Variants in PLSCR2 observed in about 807,000 individuals in gnomAD.
PLSCR2 encodes the protein PL scramblase 2.
Under a neutral mutation model 25.3 loss-of-function variants are expected in PLSCR2, and 18 were observed. That is an observed-to-expected ratio of 0.71 (90% CI 0.49 to 1.06). The LOEUF is 1.06. Among genes scored for constraint, PLSCR2 ranks in the 50% least tolerant of loss-of-function variants. PLSCR2 has a pLI of 0.00. For synonymous variants in PLSCR2, 88 were observed against 87.3 expected, an observed-to-expected ratio of 1.01 and a Z score of -0.04; for missense variants, 243 against 269.5, an observed-to-expected ratio of 0.90 and a Z score of 0.69.
At chr3:146,430,862 C>G (rs1163384164), downstream of PLSCR2, among the ~76,000 whole-genome samples, 1 of 151,822 alleles carries the variant, frequency 6.6e-6, no homozygotes, top group Non-Finnish European at 1.5e-5. Context: ...TCCATGTGCC[C>G]AGAAATTCCT....
At chr3:146,455,519 T>C in intron 3 of PLSCR2, 60 bp from the exon 4 acceptor site, 2 of 974,870 alleles carry the variant, frequency 2.1e-6, no homozygotes, top group Admixed American at 3.7e-5. Flanking sequence ...TATCTTAAGA[T>C]ATTATATCTA....
intron 2 of PLSCR2, among the ~76,000 whole-genome samples, chr3:146,425,107 G>A (rs1378744670): frequency 6.6e-6 from 1 of 152,026 alleles, no homozygotes; most frequent in Non-Finnish European, 1.5e-5. Context: ...TACAGCCATA[G>A]TGCCTGATAA....
intron 1 of PLSCR2, among the ~76,000 whole-genome samples, chr3:146,473,967 T>C (rs548587614): frequency 5.3e-5 from 8 of 152,304 alleles, no homozygotes; most frequent in African/African-American, 1.9e-4. Flanking sequence ...AGAACAAATA[T>C]TGGTTAATTG....
intron 5 of PLSCR2, among the ~76,000 whole-genome samples, chr3:146,451,229 C>T (rs1303032550): frequency 2.7e-5 from 4 of 149,584 alleles, no homozygotes; most frequent in Admixed American, 2.1e-4. Flanking sequence ...ATTCTCTTGC[C>T]TTAGCTTCCC....
intron 2 of PLSCR2, among the ~76,000 whole-genome samples, chr3:146,422,324 G>A (rs1233632429): frequency 2.0e-5 from 3 of 151,920 alleles, no homozygotes; most frequent in African/African-American, 2.4e-5. Flanking sequence ...GCCCATGAAC[G>A]TAGCTGATCC....
intron 3 of PLSCR2, among the ~76,000 whole-genome samples, chr3:146,392,032 T>C (rs564924571): frequency 9.2e-5 from 14 of 152,314 alleles, no homozygotes; most frequent in African/African-American, 3.1e-4. Flanking sequence ...AGTATTTGTG[T>C]CATTAAAGGT....
chr3:146,448,652 T>G (rs1391086662), intron 6 of PLSCR2, among the ~76,000 whole-genome samples: 2 of 152,168 alleles, frequency 1.3e-5, no homozygotes, highest in Non-Finnish European at 2.9e-5. Context: ...AGCTTCTTGT[T>G]TAGTTGAAGT....
intron 4 of PLSCR2, among the ~76,000 whole-genome samples, chr3:146,454,385 AATAT>A (rs2041078595): frequency 1.3e-5 from 2 of 152,168 alleles, no homozygotes; most frequent in Admixed American, 1.3e-4. Flanking sequence ...TATTCTTACA[AATAT>A]ATAATTATAC....
At chr3:146,407,399 AC>A (rs1441328699) in intron 2 of PLSCR2, among the ~76,000 whole-genome samples, 1 of 152,160 alleles carries the variant, frequency 6.6e-6, no homozygotes, top group Non-Finnish European at 1.5e-5. Flanking sequence ...GTCCACTAGT[AC>A]TAGAAGGTAT....
Position 146,453,993 on chromosome 3 carries a change from A to T in PLSCR2, c.483+9T>A, listed in dbSNP as rs760403685. On this transcript the variant is annotated intron_variant, in intron 5 of 6. Transcript: ENST00000610787. ...AAGCAAATCCTATAAACATTATGAC[A>T]TCTCTTACCTCAAAATCAACACCCG... 1 of 1,559,240 alleles carries T rather than the reference A, an allele frequency of 6.4e-7. No homozygotes were observed. Among genetic ancestry groups the T allele is most frequent in the Non-Finnish European group, 8.6e-7 (1 of 1,161,258 alleles).
chr3:146,396,339 A>G (rs1211284427), intron 2 of PLSCR2, among the ~76,000 whole-genome samples: 1 of 151,408 alleles, frequency 6.6e-6, no homozygotes, highest in Non-Finnish European at 1.5e-5. Context: ...TCTGTTACTT[A>G]CCTAAACCTC....
chr3:146,471,566 CT>C (rs550109802), intron 1 of PLSCR2, among the ~76,000 whole-genome samples: 237 of 129,734 alleles, frequency 1.8e-3, no homozygotes, highest in Middle Eastern at 4.2e-3. Context: ...AGATACAATT[CT>C]TTTTTTTTTT....
upstream of PLSCR2, among the ~76,000 whole-genome samples, chr3:146,461,521 G>T (rs143594956): frequency 1.7e-3 from 263 of 152,268 alleles, 2 homozygotes; most frequent in African/African-American, 6.2e-3. Flanking sequence ...CTTCATATTG[G>T]TATGATGGGG....
At chr3:146,463,209 G>A (rs1384820764), upstream of PLSCR2, among the ~76,000 whole-genome samples, 3 of 152,086 alleles carry the variant, frequency 2.0e-5, no homozygotes, top group East Asian at 3.9e-4. Context: ...TTTTTGAGAC[G>A]GAGTCTCGCT....
chr3:146,392,951 A>G (rs2038134441), intron 3 of PLSCR2, among the ~76,000 whole-genome samples: 1 of 138,246 alleles, frequency 7.2e-6, no homozygotes, highest in Admixed American at 7.3e-5. Flanking sequence ...GAGATGTAAT[A>G]TTTTATTACA....
downstream of PLSCR2, among the ~76,000 whole-genome samples, chr3:146,430,901 C>T (rs758344336): frequency 1.3e-4 from 20 of 152,072 alleles, no homozygotes; most frequent in African/African-American, 1.9e-4. Flanking sequence ...CTCCATCCCC[C>T]AGCCATCACA....
chr3:146,404,227 G>A (rs1371507816), intron 2 of PLSCR2, among the ~76,000 whole-genome samples: 1 of 152,180 alleles, frequency 6.6e-6, no homozygotes, highest in African/African-American at 2.4e-5. Flanking sequence ...TTGCCTTGCT[G>A]AGAATTAAAA....
intron 1 of PLSCR2, among the ~76,000 whole-genome samples, chr3:146,476,546 T>C (rs1411597765): frequency 1.3e-5 from 2 of 152,224 alleles, no homozygotes; most frequent in Admixed American, 6.5e-5. Context: ...AGCTGCCTGC[T>C]GCCTAAGACA....
chr3:146,454,550 T>C (rs2041087467), intron 4 of PLSCR2, among the ~76,000 whole-genome samples: 1 of 152,184 alleles, frequency 6.6e-6, no homozygotes, highest in South Asian at 2.1e-4. Flanking sequence ...GAAGACTAAG[T>C]TACCCAGGCA....
Sources: allele counts gnomAD v4.1 joint callset (sites outside exome capture counted in the v4.1 genomes callset), GRCh38; gene constraint gnomAD v4.1.1; transcripts MANE v1.5; gene names NCBI Gene and HGNC (gene_info 2026-07-23, HGNC 2026-07-21).